Variants in MAST3 observed in about 807,000 individuals in gnomAD.
MAST3 encodes microtubule associated serine/threonine kinase 3.
A neutral mutation model predicts 127.0 loss-of-function variants in MAST3; 43 were observed. That is an observed-to-expected ratio of 0.34 (90% CI 0.27 to 0.44). The LOEUF (loss-of-function observed/expected upper bound fraction) is 0.44, where lower values mean the gene tolerates loss of function less well. Ranked by LOEUF, MAST3 falls within the 20% of genes least tolerant of loss-of-function variation. The probability of loss-of-function intolerance (pLI) is 1.00; values close to 1 mark genes in which losing one functional copy is unlikely to be tolerated. For missense variants in MAST3, 1,390 were observed against 1,919.1 expected, an observed-to-expected ratio of 0.72 and a Z score of 5.15; for synonymous variants, 785 against 809.2, an observed-to-expected ratio of 0.97 and a Z score of 0.51.
In MAST3 at chr19:18,107,489, T is replaced by C. The variant is rs2038166702; in HGVS notation, c.40-98T>C. ...AGAGTGAGCGGGAAAGATGCATTGG[T>C]TGGGGCATGGGATTGGGGATTGTGG... On this transcript the variant is annotated intron_variant, in intron 1 of 27. Transcript: ENST00000687212. 3.3e-6 allele frequency: 4 copies of C among 1,208,214 alleles called. No individual in the cohort carries two copies. In the Admixed American group the frequency reaches 5.1e-5, roughly 15 times the overall value. The allele number at this position is 1,208,214 out of a possible 1,614,324, so 74.8% of individuals were successfully genotyped here. A position where few individuals can be genotyped will look rare whatever the true frequency, so the allele number is the denominator to read the frequency against.
rs1170618145 is a variant in MAST3 at position 18,139,070 on chromosome 19, A to T, written c.2151A>T (p.Glu717Asp). ...CCGAGGACGACGAGACCAATGATGA[A>T]GAATCGTCCACAGAGATCCCCCAGT... ...LGSEDDETND[E>D]ESSTEIPQFS... The change falls in exon 20 of 28, where the codon GAA becomes GAT. Residue 717 changes from glutamate (E) to aspartate (D), a missense_variant. By Grantham distance (45) the Glu-to-Asp change is conservative. Coordinates refer to ENST00000687212, the MANE Select transcript of MAST3 (RefSeq NM_001393504.1). 6 of 1,605,118 alleles carry T rather than the reference A, an allele frequency of 3.7e-6. No individual in the cohort carries two copies. Among genetic ancestry groups the T allele is most frequent in the Non-Finnish European group, 5.1e-6 (6 of 1,176,028 alleles).
At chr19:18,104,179 C>CAAAAAAA (rs56347763) in intron 1 of MAST3, among the ~76,000 whole-genome samples, 16 of 43,484 alleles carry the variant, frequency 3.7e-4, no homozygotes, top group South Asian at 1.3e-3. Flanking sequence ...GACGCTGTCT[C>CAAAAAAA]AAAAAAAAAA....
intron 1 of MAST3, among the ~76,000 whole-genome samples, chr19:18,106,297 G>A (rs1228499722): frequency 6.6e-6 from 1 of 151,888 alleles, no homozygotes; most frequent in Non-Finnish European, 1.5e-5. Flanking sequence ...TTGTTGCCAG[G>A]CTAGAGTGCA....
At position 18,117,953 on chromosome 19, in the gene MAST3, AGGCCCCGCCCCCAAC is replaced by A. The variant is rs1242308130; in HGVS notation, c.162-3719_162-3705del. On this transcript the variant is annotated intron_variant, in intron 3 of 27. Transcript: ENST00000687212. ...CGCGTCGCTCGCTCCGCCTCCCGAC[AGGCCCCGCCCCCAAC>A]GGCCCCGCCCCCGCACTCGCCTGGG... is the stretch of plus-strand genomic sequence containing the variant. 10 of 206,284 alleles carry A rather than the reference AGGCCCCGCCCCCAAC, an allele frequency of 4.8e-5. No individual in the cohort carries two copies. In the East Asian group the frequency reaches 1.5e-3, roughly 31 times the overall value. 12.8% of individuals were successfully genotyped at this position (206,284 alleles called of 1,614,324 possible).
rs543957739 is a variant in MAST3 at position 18,134,740 on chromosome 19, G to C, written c.1704+29G>C. On this transcript the variant is annotated intron_variant, in intron 16 of 27. Transcript: ENST00000687212. ...GGCGGGCAGGTGGGTGGGCAGCCCC[G>C]GGATGCCTCCTCCTCTCTCCTGGGA... The C allele has an allele frequency of 3.7e-6, 6 of 1,612,966 alleles. No individual in the cohort carries two copies. In the Admixed American group the frequency reaches 6.7e-5, roughly 18 times the overall value.
In MAST3 at chr19:18,150,689, TAG is replaced by T. The variant is rs1373866098; in HGVS notation, c.*966_*967del. 6.6e-6 allele frequency: 1 copy of T among 152,442 alleles called. No homozygotes were observed. Among genetic ancestry groups the T allele is most frequent in the Admixed American group, 6.5e-5 (1 of 15,302 alleles). The allele number at this position is 152,442 out of a possible 1,614,324, so 9.4% of individuals were successfully genotyped here. A position where few individuals can be genotyped will look rare whatever the true frequency, so the allele number is the denominator to read the frequency against. ...GCCCAGGCAGTGCCTGCTCTATATA[TAG>T]AGTCTGCCTCCAATCCTGCTGGCTT... On this transcript the variant is annotated 3_prime_UTR_variant, in exon 28 of 28. Coordinates refer to ENST00000687212, the MANE Select transcript of MAST3 (RefSeq NM_001393504.1).
rs769976720 is a variant in MAST3 at position 18,142,035 on chromosome 19, G to T, written c.2339+20G>T. The T allele has an allele frequency of 2.8e-6, 4 of 1,432,542 alleles. No homozygotes were observed. The highest frequency in any genetic ancestry group is 1.4e-5 in the African/African-American group (1 of 69,268). The allele number at this position is 1,432,542 out of a possible 1,614,324, so 88.7% of individuals were successfully genotyped here. On this transcript the variant is annotated intron_variant, in intron 21 of 27. Coordinates refer to ENST00000687212, the MANE Select transcript of MAST3 (RefSeq NM_001393504.1). ...CATCCGGTAAGTGGCCTGGGGAAGT[G>T]TAGGCAGATCCAGCTTCCAAGCCTG...
intron 3 of MAST3, chr19:18,117,977 C>T (rs1209219525): frequency 1.2e-5 from 4 of 338,446 alleles, no homozygotes; most frequent in African/African-American, 9.0e-5. Flanking sequence ...ACGGCCCCGC[C>T]CCCGCACTCG....
chr19:18,123,749 G>C, intron 8 of MAST3, 94 bp downstream of exon 8: 1 of 1,190,764 alleles, frequency 8.4e-7, no homozygotes, highest in Non-Finnish European at 1.2e-6. Flanking sequence ...TGTCCCCTTT[G>C]CCAGTCTGTT....
chr19:18,132,166 C>T (rs2041381048), intron 15 of MAST3, 119 bp downstream of exon 15: 1 of 1,371,766 alleles, frequency 7.3e-7, no homozygotes, highest in Admixed American at 2.4e-5. Flanking sequence ...CTTCAGGAGC[C>T]CCATCTGTCT....
In MAST3 at chr19:18,144,550, G is replaced by A. The variant is rs778382790; in HGVS notation, c.2669G>A (p.Gly890Asp). The A allele has an allele frequency of 6.2e-7, 1 of 1,609,786 alleles. No individual in the cohort carries two copies. Among genetic ancestry groups the A allele is most frequent in the Non-Finnish European group, 8.5e-7 (1 of 1,179,016 alleles). The change falls in exon 23 of 28, where the codon GGC becomes GAC. Residue 890 changes from glycine to aspartate, a missense_variant. Around this residue, in one of 5 missense-constraint regions of MAST3, gnomAD observed 816 missense variants for 934.1 expected, o/e 0.87. Transcript: ENST00000687212. The surrounding 1 kb of genome is among the most constrained non-coding windows in gnomAD (Gnocchi z 4.0). ...TCCACACCAAGGCCTCTGGATGCCG[G>A]CCGGGGCCGCCGCCTTGGGGGCCCA... Reference protein sequence around the residue: ...RHSTPRPLDAGRGRRLGGPRD... With the variant: ...RHSTPRPLDADRGRRLGGPRD...
rs1034076313 is a variant in MAST3, at chr19:18,150,273, A to C, written c.*547A>C. On this transcript the variant is annotated 3_prime_UTR_variant, in exon 28 of 28. Coordinates refer to ENST00000687212, the MANE Select transcript of MAST3 (RefSeq NM_001393504.1). ...AGTGCTGGGATTACAGGCGTGAGCC[A>C]CTGGGCCCAGCCTAATTTATTACTT... The C allele has an allele frequency of 6.5e-6, 1 of 154,080 alleles. No homozygotes were observed. The highest frequency in any genetic ancestry group is 6.5e-5 in the Admixed American group (1 of 15,292). The allele number at this position is 154,080 out of a possible 1,614,324, so 9.5% of individuals were successfully genotyped here.
chr19:18,117,412 T>C (rs1443756831), intron 3 of MAST3, among the ~76,000 whole-genome samples: 1 of 152,130 alleles, frequency 6.6e-6, no homozygotes. Context: ...CTGATGGCCT[T>C]TCCCGCCACA....
intron 3 of MAST3, among the ~76,000 whole-genome samples, chr19:18,119,486 C>A (rs1477472404): frequency 1.3e-5 from 2 of 152,326 alleles, no homozygotes; most frequent in Non-Finnish European, 2.9e-5. Flanking sequence ...CTGTTGACAT[C>A]TGTGGCTTCA....
chr19:18,151,004 C>T lies in MAST3; in HGVS notation c.*1278C>T, dbSNP rs1304157980. The stretch of plus-strand genomic sequence containing the variant: ...GTCCAGTCTACCCTGGACAAGATGC[C>T]GTGTGTTTGAGGCCCAGCAGAGTAA... On this transcript the variant is annotated 3_prime_UTR_variant, in exon 28 of 28. Coordinates refer to ENST00000687212, the MANE Select transcript of MAST3 (RefSeq NM_001393504.1). The T allele has an allele frequency of 6.6e-6, 1 of 152,194 alleles. No homozygotes were observed. Among genetic ancestry groups the T allele is most frequent in the Non-Finnish European group, 1.5e-5 (1 of 68,046 alleles). The allele number at this position is 152,194 out of a possible 1,614,324, so 9.4% of individuals were successfully genotyped here. A position where few individuals can be genotyped will look rare whatever the true frequency, so the allele number is the denominator to read the frequency against.
intron 3 of MAST3, among the ~76,000 whole-genome samples, chr19:18,111,343 T>C (rs1568551977): frequency 6.6e-6 from 1 of 152,072 alleles, no homozygotes; most frequent in Non-Finnish European, 1.5e-5. Context: ...AGGGTTCTAC[T>C]GGCCAGTTGG....
At position 18,134,674 on chromosome 19, in the gene MAST3, A is replaced by G; in HGVS notation, c.1667A>G (p.His556Arg). ...ATGGCCACCAACCTCTATGAGGGCCACATCGAGAAGGACGCCCGAGAGTTC... is the reference window on the plus strand; with the variant it reads ...ATGGCCACCAACCTCTATGAGGGCCGCATCGAGAAGGACGCCCGAGAGTTC... ...MSMATNLYEG[H>R]IEKDAREFID... is the part of the protein sequence containing the mutation. The change falls in exon 16 of 28, where the codon CAC (histidine) becomes CGC (arginine). Residue 556 changes from histidine to arginine, a missense_variant. Physicochemically the swap from His to Arg is conservative, Grantham distance 29. This residue lies in a region of MAST3 where 191 missense variants were observed against 409.0 expected (regional missense o/e 0.47). Coordinates refer to ENST00000687212, the MANE Select transcript of MAST3 (RefSeq NM_001393504.1). 1 of 1,613,800 alleles carries G rather than the reference A, an allele frequency of 6.2e-7. No individual in the cohort carries two copies. Among genetic ancestry groups the G allele is most frequent in the Non-Finnish European group, 8.5e-7 (1 of 1,179,840 alleles).
chr19:18,147,050 C>A lies in MAST3; in HGVS notation c.3326+6C>A. The stretch of plus-strand genomic sequence containing the variant: ...GCAGTGACCACCAGGGAGCGGTACA[C>A]AGGGGGCGGGGCCACGGGGACTGGG... On this transcript the variant is annotated splice_donor_region_variant and intron_variant, in intron 26 of 27. Coordinates refer to ENST00000687212, the MANE Select transcript of MAST3 (RefSeq NM_001393504.1). 6.5e-7 allele frequency: 1 copy of A among 1,544,256 alleles called. No individual in the cohort carries two copies. The highest frequency in any genetic ancestry group is 2.0e-5 in the Admixed American group (1 of 48,794).
intron 19 of MAST3, among the ~76,000 whole-genome samples, chr19:18,137,591 G>C (rs867241641): frequency 4.6e-5 from 7 of 152,338 alleles, no homozygotes; most frequent in African/African-American, 1.4e-4. Flanking sequence ...TCAGGCTTCA[G>C]AAGGAGAAAC....
Sources: gnomAD v4.1 joint callset for allele counts (sites outside exome capture counted in the v4.1 genomes callset) on GRCh38, gnomAD v4.1.1 for gene constraint, gnomAD v4.1.1 regional missense constraint, Gnocchi (gnomAD v3.1) non-coding constraint, MANE v1.5 for transcripts, NCBI Gene and HGNC (gene_info 2026-07-23, HGNC 2026-07-21) for gene names.